The following PTPRD variants were observed in gnomAD, a reference collection of about 807,000 sequenced individuals.
The protein encoded by PTPRD is receptor-type tyrosine-protein phosphatase delta.
Under a neutral mutation model 214.5 loss-of-function variants are expected in PTPRD, and 34 were observed. The observed-to-expected ratio is 0.16, with a 90% confidence interval of 0.12 to 0.21. PTPRD has a LOEUF of 0.21. Among genes scored for constraint, PTPRD ranks in the 10% least tolerant of loss-of-function variants. The pLI is 1.00. For synonymous variants in PTPRD, 1,128 were observed against 845.7 expected (o/e 1.33, Z -5.79); for missense variants, 2,545 against 2,398.7 (o/e 1.06, Z -1.27).
At chr9:9,386,552 C>T (rs1487471681) in intron 9 of PTPRD, among the ~76,000 whole-genome samples, 1 of 151,974 alleles carries the variant, frequency 6.6e-6, no homozygotes, top group African/African-American at 2.4e-5. Context: ...GACTAATATG[C>T]ATTTTATAAC....
chr9:8,630,075 G>A (rs1442028170), intron 14 of PTPRD, among the ~76,000 whole-genome samples: 2 of 151,794 alleles, frequency 1.3e-5, no homozygotes, highest in Non-Finnish European at 2.9e-5. Context: ...TAGCTTGTGT[G>A]AGATAAATCA....
intron 12 of PTPRD, among the ~76,000 whole-genome samples, chr9:8,731,249 G>C (rs986851349): frequency 3.3e-5 from 5 of 152,176 alleles, no homozygotes; most frequent in South Asian, 2.1e-4. Flanking sequence ...GCAAACTAGA[G>C]TGGTTTCTTT....
At chr9:10,525,205 T>C (rs965865980) in intron 2 of PTPRD, among the ~76,000 whole-genome samples, 7 of 152,240 alleles carry the variant, frequency 4.6e-5, no homozygotes, top group Admixed American at 2.6e-4. Context: ...ATATAAAATA[T>C]GAAATTCATA....
intron 10 of PTPRD, among the ~76,000 whole-genome samples, chr9:9,057,806 G>T (rs749462150): frequency 3.3e-5 from 5 of 152,074 alleles, no homozygotes; most frequent in Non-Finnish European, 5.9e-5. Context: ...TTTTCCTACT[G>T]CCACTAAGCA....
At position 10,380,475 on chromosome 9, in the gene PTPRD, A is replaced by G. The variant is rs185531220; in HGVS notation, c.-599-39458T>C. Among the ~76,000 whole-genome samples, 771 of 152,184 alleles carry G rather than the reference A, an allele frequency of 5.1e-3. 5 individuals carry two copies. The highest frequency in any genetic ancestry group is 9.0e-3 in the Non-Finnish European group (615 of 67,970). ...TTCTTTGCATCAGAAAGGTTTATTTAGCAGGCCTCTAAAAACGAAACACAT... is the reference window on the plus strand; with the variant it reads ...TTCTTTGCATCAGAAAGGTTTATTTGGCAGGCCTCTAAAAACGAAACACAT... On this transcript the variant is annotated intron_variant, in intron 2 of 45. Transcript: ENST00000381196.
At chr9:10,535,422 A>G (rs902669390) in intron 2 of PTPRD, among the ~76,000 whole-genome samples, 32 of 152,178 alleles carry the variant, frequency 2.1e-4, no homozygotes, top group African/African-American at 7.5e-4. Flanking sequence ...ACATCTACTT[A>G]CCGTCGTGAG....
intron 5 of PTPRD, among the ~76,000 whole-genome samples, chr9:9,880,824 G>A (rs2068438013): frequency 6.6e-6 from 1 of 152,160 alleles, no homozygotes; most frequent in East Asian, 1.9e-4. Context: ...TTAGACTGAT[G>A]CTGCTTTGAC....
chr9:8,683,258 G>A (rs1048466507), intron 12 of PTPRD, among the ~76,000 whole-genome samples: 3 of 152,030 alleles, frequency 2.0e-5, no homozygotes, highest in Non-Finnish European at 2.9e-5. Context: ...TGATTTGACT[G>A]TCAGGTTTGA....
intron 8 of PTPRD, among the ~76,000 whole-genome samples, chr9:9,528,938 CTTTTTTTT>C (rs112564567): frequency 7.3e-6 from 1 of 136,698 alleles, no homozygotes; most frequent in Non-Finnish European, 1.6e-5. Flanking sequence ...TTGTTTGTTT[CTTTTTTTT>C]TTTTTTTTTT....
intron 11 of PTPRD, among the ~76,000 whole-genome samples, chr9:8,958,394 C>G (rs1015193973): frequency 2.0e-5 from 3 of 151,800 alleles, no homozygotes; most frequent in Non-Finnish European, 4.4e-5. Context: ...GATGTTTAGC[C>G]TTTTCAAAAA....
chr9:8,389,152 T>C, intron 37 of PTPRD, 80 bp downstream of exon 37: 1 of 1,288,554 alleles, frequency 7.8e-7, no homozygotes, highest in African/African-American at 1.5e-5. Flanking sequence ...AAAGGTTAGA[T>C]TCTGAACAGA....
At chr9:9,113,608 T>C (rs1569545898) in intron 10 of PTPRD, among the ~76,000 whole-genome samples, 1 of 152,262 alleles carries the variant, frequency 6.6e-6, no homozygotes, top group East Asian at 1.9e-4. Context: ...CAGATTTGTG[T>C]AATTAGTAGT....
chr9:9,104,748 G>C (rs1434288177), intron 10 of PTPRD, among the ~76,000 whole-genome samples: 1 of 152,142 alleles, frequency 6.6e-6, no homozygotes, highest in African/African-American at 2.4e-5. Context: ...CATCCACCTA[G>C]TCATTTTGTC....
At chr9:9,918,784 G>A (rs1253082515) in intron 5 of PTPRD, among the ~76,000 whole-genome samples, 1 of 152,066 alleles carries the variant, frequency 6.6e-6, no homozygotes, top group Non-Finnish European at 1.5e-5. Context: ...CATGGGTATC[G>A]AGAATATTCA....
chr9:10,426,765 T>C (rs962430909), intron 2 of PTPRD, among the ~76,000 whole-genome samples: 6 of 152,026 alleles, frequency 3.9e-5, no homozygotes, highest in African/African-American at 1.4e-4. Flanking sequence ...AAATTAACAA[T>C]TACCTTGGAT....
chr9:9,890,200 A>G (rs533886948), intron 5 of PTPRD, among the ~76,000 whole-genome samples: 1 of 152,060 alleles, frequency 6.6e-6, no homozygotes, highest in East Asian at 1.9e-4. Context: ...TATCCTATTA[A>G]CATTTTTATT....
chr9:10,116,847 G>T (rs1022894867), intron 3 of PTPRD, among the ~76,000 whole-genome samples: 7 of 152,046 alleles, frequency 4.6e-5, no homozygotes, highest in African/African-American at 1.7e-4. Context: ...CCAACTGGGA[G>T]CCTTTGCACT....
At chr9:10,030,701 T>C (rs1476986508) in intron 4 of PTPRD, among the ~76,000 whole-genome samples, 1 of 152,026 alleles carries the variant, frequency 6.6e-6, no homozygotes, top group African/African-American at 2.4e-5. Flanking sequence ...CATAGAAAAA[T>C]TCCAGTTGAG....
intron 5 of PTPRD, among the ~76,000 whole-genome samples, chr9:9,910,340 T>C (rs1340258518): frequency 6.6e-6 from 1 of 152,014 alleles, no homozygotes; most frequent in Non-Finnish European, 1.5e-5. Flanking sequence ...TCATGATACA[T>C]GTGTGCAATC....
Sources: gnomAD v4.1 joint callset for allele counts (sites outside exome capture counted in the v4.1 genomes callset) on GRCh38, gnomAD v4.1.1 for gene constraint, MANE v1.5 for transcripts, NCBI Gene and HGNC (gene_info 2026-07-23, HGNC 2026-07-21) for gene names.